ZNF469: variants seen among roughly 807,000 people sequenced by gnomAD.
ZNF469 encodes zinc finger protein 469.
Under a neutral mutation model 1.0 loss-of-function variants are expected in ZNF469, and 1 was observed. That is an observed-to-expected ratio of 1.00 (90% CI 0.35 to 4.73). The LOEUF (loss-of-function observed/expected upper bound fraction) is 4.73. ZNF469 is among the 30% of genes most tolerant of loss of function. The pLI, the probability that ZNF469 is intolerant of heterozygous loss-of-function variation, is 0.16. For synonymous variants in ZNF469, 2,703 were observed against 2,363.4 expected (o/e 1.14, Z -4.17); for missense variants, 6,100 against 5,356.3 (o/e 1.14, Z -4.33).
the ZNF469 span, among the ~76,000 whole-genome samples, chr16:88,370,365 C>G: frequency 6.6e-6 from 1 of 152,080 alleles, no homozygotes; most frequent in African/African-American, 2.4e-5. Context: ...TCATGGTGGG[C>G]CCCTCGTTAT....
At chr16:88,375,423 A>G in the ZNF469 span, among the ~76,000 whole-genome samples, 2 of 152,238 alleles carry the variant, frequency 1.3e-5, no homozygotes, top group Non-Finnish European at 2.9e-5. Context: ...GCCACTTAGC[A>G]GCAAGTTGGG....
intron 1 of ZNF469, among the ~76,000 whole-genome samples, chr16:88,398,945 A>C (rs1904777933): frequency 6.6e-6 from 1 of 152,138 alleles, no homozygotes; most frequent in African/African-American, 2.4e-5. Flanking sequence ...ACAGCAAACC[A>C]CCACCCCCCC....
At chr16:88,277,537 C>T in the ZNF469 span, among the ~76,000 whole-genome samples, 853 of 89,802 alleles carry the variant, frequency 9.5e-3, 1 homozygote, top group Middle Eastern at 0.045. Context: ...GTTAGTGCTG[C>T]GCCACGCCGA....
chr16:88,397,460 C>A (rs931117354), intron 1 of ZNF469, among the ~76,000 whole-genome samples: 1 of 141,056 alleles, frequency 7.1e-6, no homozygotes. Context: ...TAAAGGAGAT[C>A]GATGGAGCTG....
the ZNF469 span, among the ~76,000 whole-genome samples, chr16:88,305,489 C>T: frequency 8.8e-5 from 13 of 147,922 alleles, no homozygotes; most frequent in African/African-American, 3.0e-4. Context: ...CACACATGGT[C>T]ACAGGCACAC....
At chr16:88,131,798 A>C in the ZNF469 span, among the ~76,000 whole-genome samples, 1 of 152,170 alleles carries the variant, frequency 6.6e-6, no homozygotes, top group Non-Finnish European at 1.5e-5. Context: ...TGTTGCCTAG[A>C]TGCTGCCCTG....
chr16:88,251,597 C>T, the ZNF469 span, among the ~76,000 whole-genome samples: 8 of 106,946 alleles, frequency 7.5e-5, no homozygotes, highest in African/African-American at 1.9e-4. Context: ...CTTGCTGTGT[C>T]GCCCAGGTTA....
At chr16:88,149,670 T>C in the ZNF469 span, among the ~76,000 whole-genome samples, 1 of 152,106 alleles carries the variant, frequency 6.6e-6, no homozygotes, top group Admixed American at 6.5e-5. Context: ...CCTGGAGACA[T>C]GGATGATGCC....
chr16:88,201,058 C>T, the ZNF469 span, among the ~76,000 whole-genome samples: 1 of 152,334 alleles, frequency 6.6e-6, no homozygotes, highest in East Asian at 1.9e-4. The surrounding 1 kb of genome is among the most constrained non-coding windows in gnomAD (Gnocchi z 5.0). Flanking sequence ...CTGGGCCCCT[C>T]TGTGCCCCGG....
At chr16:88,371,987 TCACCATCACCATCATCAC>T in the ZNF469 span, among the ~76,000 whole-genome samples, 8 of 86,192 alleles carry the variant, frequency 9.3e-5, no homozygotes, top group African/African-American at 3.8e-4. Context: ...ATCATCACCA[TCACCATCACCATCATCAC>T]CATCATCACC....
rs1290355639 is a variant in ZNF469 at position 88,431,024 on chromosome 16, G to A, written c.3554G>A (p.Arg1185Lys). 6.5e-7 allele frequency: 1 copy of A among 1,545,342 alleles called. No homozygotes were observed. Among genetic ancestry groups the A allele is most frequent in the Non-Finnish European group, 8.7e-7 (1 of 1,146,574 alleles). The change falls in exon 3 of 3, where the codon AGG becomes AAG. Residue 1185 changes from arginine (R) to lysine (K), a missense_variant. By Grantham distance (26) the Arg-to-Lys change is conservative. Transcript: ENST00000565624. ...AGCCTGGAGACGGGAGCGGCCGCCA[G>A]GGAGGGAGGCCCCAAGTGTGCTGAT... The part of the protein sequence containing the change: ...SRSLETGAAA[R>K]EGGPKCADRP...
intron 1 of ZNF469, among the ~76,000 whole-genome samples, 35 bp downstream of exon 1, chr16:88,383,289 G>T (rs1237521758): frequency 6.8e-6 from 1 of 147,268 alleles, no homozygotes; most frequent in Non-Finnish European, 1.5e-5. Flanking sequence ...CGCGCGCGGT[G>T]CCTGGGGACC....
At chr16:88,285,936 C>A in the ZNF469 span, among the ~76,000 whole-genome samples, 3 of 152,266 alleles carry the variant, frequency 2.0e-5, no homozygotes, top group Non-Finnish European at 4.4e-5. Flanking sequence ...CTCCTGCTGA[C>A]CCTGTGAAGG....
intron 1 of ZNF469, among the ~76,000 whole-genome samples, chr16:88,404,109 T>C (rs2133793): frequency 0.34 from 51,183 of 152,106 alleles, 8,751 homozygotes; most frequent in Non-Finnish European, 0.36. Flanking sequence ...TGCGGGACCC[T>C]TGTGTTTATG....
At chr16:88,239,557 G>A in the ZNF469 span, among the ~76,000 whole-genome samples, 10 of 147,338 alleles carry the variant, frequency 6.8e-5, no homozygotes, top group Non-Finnish European at 1.2e-4. Flanking sequence ...GCGCGATCTC[G>A]GCTCACTGCA....
the ZNF469 span, among the ~76,000 whole-genome samples, chr16:88,344,587 C>T: frequency 4.6e-5 from 7 of 152,344 alleles, no homozygotes; most frequent in East Asian, 3.9e-4. Context: ...CACTGGGGGC[C>T]GGGACAGCCA....
At chr16:88,205,195 A>T in the ZNF469 span, among the ~76,000 whole-genome samples, 1 of 152,200 alleles carries the variant, frequency 6.6e-6, no homozygotes, top group East Asian at 1.9e-4. This position sits in a 1 kb window ranked among gnomAD's most constrained non-coding sequence, Gnocchi z 4.2. Context: ...TAAATGGAGA[A>T]TGAGGAAAAT....
intron 2 of ZNF469, among the ~76,000 whole-genome samples, chr16:88,425,337 C>T (rs1172329799): frequency 1.3e-5 from 2 of 152,186 alleles, no homozygotes; most frequent in African/African-American, 2.4e-5. Flanking sequence ...GGGGGTCTGA[C>T]ATGTGGGACT....
At chr16:88,343,034 G>C in the ZNF469 span, among the ~76,000 whole-genome samples, 47,730 of 151,978 alleles carry the variant, frequency 0.31, 7,564 homozygotes, top group African/African-American at 0.38. Flanking sequence ...GCAGCGGGCA[G>C]ATAGCACACG....
Sources: allele counts gnomAD v4.1 joint callset (sites outside exome capture counted in the v4.1 genomes callset), GRCh38; gene constraint gnomAD v4.1.1; non-coding constraint Gnocchi (gnomAD v3.1); transcripts MANE v1.5; gene names NCBI Gene and HGNC (gene_info 2026-07-23, HGNC 2026-07-21).